UBR3: variants seen among roughly 807,000 people sequenced by gnomAD.
The protein encoded by UBR3 is E3 ubiquitin-protein ligase UBR3.
A neutral mutation model predicts 243.2 loss-of-function variants in UBR3; 85 were observed. The observed-to-expected ratio is 0.35, with a 90% CI of 0.29 to 0.42. The LOEUF (loss-of-function observed/expected upper bound fraction) is 0.42, where lower values mean the gene tolerates loss of function less well. Ranked by LOEUF, UBR3 falls within the 10% of genes least tolerant of loss-of-function variation. The pLI, the probability that UBR3 is intolerant of heterozygous loss-of-function variation, is 1.00. For missense variants in UBR3, 1,686 were observed against 2,300.8 expected (o/e 0.73, Z 5.47); for synonymous variants, 748 against 799.8 (o/e 0.94, Z 1.09).
At chr2:169,855,641 A>G (rs1015481019) in intron 1 of UBR3, among the ~76,000 whole-genome samples, 4 of 152,216 alleles carry the variant, frequency 2.6e-5, no homozygotes, top group African/African-American at 9.6e-5. Context: ...GACACAGCAC[A>G]TGTTTCAGAG....
chr2:170,073,274 C>G (rs541514039), intron 35 of UBR3, 154 bp from the exon 36 acceptor site: 3 of 741,904 alleles, frequency 4.0e-6, no homozygotes, highest in Non-Finnish European at 6.5e-6. Context: ...ACCTTTTTCT[C>G]TCTTGTTTCT....
rs138654898 is a variant in UBR3 at position 169,889,779 on chromosome 2, G to A, written c.1039-1386G>A. Among the ~76,000 whole-genome samples the A allele has an allele frequency of 5.9e-4, 90 of 152,268 alleles. No individual in the cohort carries two copies. In the East Asian group the frequency reaches 0.015, roughly 25 times the overall value. On this transcript the variant is annotated intron_variant, in intron 5 of 38. Transcript: ENST00000272793. Reference sequence around the variant, plus strand: ...ATGGCCCTGAGGATTGATGCTTGACGGAAACCCAAGTTAAGGCTATTATTT... The same window carrying A: ...ATGGCCCTGAGGATTGATGCTTGACAGAAACCCAAGTTAAGGCTATTATTT...
chr2:169,966,724 C>T (rs934003556), intron 24 of UBR3, among the ~76,000 whole-genome samples: 1 of 152,140 alleles, frequency 6.6e-6, no homozygotes, highest in African/African-American at 2.4e-5. Context: ...AATTTTTATA[C>T]TACCTCATAG....
chr2:169,934,424 A>G (rs1021277792), intron 19 of UBR3, among the ~76,000 whole-genome samples: 4 of 152,218 alleles, frequency 2.6e-5, no homozygotes, highest in Non-Finnish European at 4.4e-5. Context: ...ATCATTAAAT[A>G]ATGTAATCAA....
At chr2:170,068,853 A>G (rs2091637231) in intron 35 of UBR3, among the ~76,000 whole-genome samples, 2 of 152,228 alleles carry the variant, frequency 1.3e-5, no homozygotes, top group Admixed American at 1.3e-4. Flanking sequence ...AAGTTTGACA[A>G]CTTAGATAAA....
At chr2:170,015,173 AAAT>A (rs1052520463) in intron 29 of UBR3, 105 bp from the exon 30 acceptor site, 42 of 905,116 alleles carry the variant, frequency 4.6e-5, no homozygotes, top group Non-Finnish European at 6.9e-5. Context: ...CTTTTGCAAA[AAAT>A]AAAGTTGAAG....
At chr2:170,054,457 A>AT (rs1284206153) in intron 32 of UBR3, among the ~76,000 whole-genome samples, 1 of 151,744 alleles carries the variant, frequency 6.6e-6, no homozygotes, top group Non-Finnish European at 1.5e-5. Flanking sequence ...TATTTTTTGT[A>AT]TTTTTTAGTA....
Position 169,827,946 on chromosome 2 carries a change from G to T in UBR3, c.439G>T (p.Glu147Ter). Residue 147 changes from glutamate to a stop codon, truncating the protein, a stop_gained, in exon 1 of 39, where the codon GAG becomes TAG. Transcript: ENST00000272793. LOFTEE classifies it high-confidence loss of function. ...GISPCMSLCA[E>*]CFHQGDHTGH... ...CTCGCCCTGCATGTCGCTGTGCGCC[G>T]AGTGCTTCCACCAGGGCGACCACAC... is the stretch of plus-strand genomic sequence containing the variant. The T allele has an allele frequency of 6.8e-7, 1 of 1,479,540 alleles. No individual in the cohort carries two copies. The highest frequency in any genetic ancestry group is 9.0e-7 in the Non-Finnish European group (1 of 1,113,924). 91.7% of individuals were successfully genotyped at this position (1,479,540 alleles called of 1,614,324 possible).
chr2:169,880,729 A>G (rs2083789208), intron 5 of UBR3, among the ~76,000 whole-genome samples: 1 of 152,072 alleles, frequency 6.6e-6, no homozygotes. Flanking sequence ...TATTGCTTCT[A>G]ATCTGTCCTT....
At chr2:169,866,116 A>G (rs1451127190) in intron 1 of UBR3, among the ~76,000 whole-genome samples, 1 of 125,472 alleles carries the variant, frequency 8.0e-6, no homozygotes, top group Non-Finnish European at 1.6e-5. Flanking sequence ...GTGCCACTGC[A>G]CTCCAGCCTG....
intron 1 of UBR3, among the ~76,000 whole-genome samples, chr2:169,864,847 C>T (rs541557112): frequency 2.1e-5 from 3 of 144,690 alleles, no homozygotes; most frequent in African/African-American, 7.8e-5. Flanking sequence ...GCGGAGCTTG[C>T]AGTGAGCCAA....
Position 170,065,967 on chromosome 2 carries a change from G to T in UBR3, c.5019+4524G>T, listed in dbSNP as rs1454279388. Among the ~76,000 whole-genome samples, 7 of 140,742 alleles carry T rather than the reference G, an allele frequency of 5.0e-5. No homozygotes were observed. In the East Asian group the frequency reaches 1.2e-3, roughly 24 times the overall value. 92.3% of individuals were successfully genotyped at this position (140,742 alleles called of 152,430 possible). A position where few individuals can be genotyped will look rare whatever the true frequency, so the allele number is the denominator to read the frequency against. On this transcript the variant is annotated intron_variant, in intron 35 of 38. Coordinates refer to ENST00000272793, the MANE Select transcript of UBR3 (RefSeq NM_172070.4). ...CAAAAAAAATGCTTCTACGTATCCC[G>T]TGCCTTTTTTTTTTTTGCTTTTATT...
intron 26 of UBR3, among the ~76,000 whole-genome samples, chr2:169,999,713 A>G (rs2089622808): frequency 1.3e-5 from 2 of 152,210 alleles, no homozygotes; most frequent in African/African-American, 4.8e-5. Context: ...ATTCTAAGAA[A>G]GAGATTTTAG....
chr2:170,029,577 A>G lies in UBR3; in HGVS notation c.4556+129A>G, dbSNP rs193099745. 84 of 678,706 alleles carry G rather than the reference A, an allele frequency of 1.2e-4. 1 individual carries two copies. In the Admixed American group the frequency reaches 2.2e-3, roughly 18 times the overall value. 42.0% of individuals were successfully genotyped at this position (678,706 alleles called of 1,614,324 possible). ...TTTTCTTTATGAAGCACAGAAATAT[A>G]TCATAAGAATTGAAAACAGTTTACC... On this transcript the variant is annotated intron_variant, in intron 31 of 38. Coordinates refer to ENST00000272793, the MANE Select transcript of UBR3 (RefSeq NM_172070.4).
intron 24 of UBR3, among the ~76,000 whole-genome samples, chr2:169,972,548 T>G (rs911761488): frequency 6.6e-6 from 1 of 151,104 alleles, no homozygotes. Flanking sequence ...CAGCAGCACA[T>G]CAAAAAGCTT....
chr2:169,972,171 T>G (rs1027748651), intron 24 of UBR3, among the ~76,000 whole-genome samples: 9 of 152,064 alleles, frequency 5.9e-5, no homozygotes, highest in Non-Finnish European at 5.9e-5. Context: ...CAGAAGAAAT[T>G]GATAAATTCC....
intron 22 of UBR3, 49 bp from the exon 23 acceptor site, chr2:169,949,556 G>T (rs547343858): frequency 1.4e-6 from 2 of 1,431,724 alleles, no homozygotes; most frequent in South Asian, 1.5e-5. Context: ...TTAAAATGAT[G>T]CTAAATAACT....
Position 169,895,258 on chromosome 2 carries a change from C to T in UBR3, c.1183C>T (p.Pro395Ser). The change falls in exon 7 of 39, where the codon CCT becomes TCT. Residue 395 changes from proline (P) to serine (S), a missense_variant. This residue lies in a region of UBR3 where 200 missense variants were observed against 231.6 expected (regional missense o/e 0.86). Coordinates refer to ENST00000272793, the MANE Select transcript of UBR3 (RefSeq NM_172070.4). Reference protein sequence around the residue: ...LLFWTIKYEFPQKMVTFLLNM... With the variant: ...LLFWTIKYEFSQKMVTFLLNM... Reference sequence around the variant, plus strand: ...ATTTTGGACTATAAAATATGAATTCCCTCAAAAGATGGTAACTTTCTTACT... The same window carrying T: ...ATTTTGGACTATAAAATATGAATTCTCTCAAAAGATGGTAACTTTCTTACT... The T allele has an allele frequency of 6.5e-7, 1 of 1,545,184 alleles. No individual in the cohort carries two copies. The highest frequency in any genetic ancestry group is 8.7e-7 in the Non-Finnish European group (1 of 1,145,166).
chr2:169,954,582 T>C (rs2087188637), intron 23 of UBR3, among the ~76,000 whole-genome samples: 1 of 151,150 alleles, frequency 6.6e-6, no homozygotes, highest in Admixed American at 6.6e-5. Flanking sequence ...TTTTTTTTTT[T>C]TTTTCGTTTT....
Sources: gnomAD v4.1 joint callset for allele counts (sites outside exome capture counted in the v4.1 genomes callset) on GRCh38, gnomAD v4.1.1 for gene constraint, gnomAD v4.1.1 regional missense constraint, MANE v1.5 for transcripts, NCBI Gene and HGNC (gene_info 2026-07-23, HGNC 2026-07-21) for gene names.